MFHAS1: variants seen among roughly 807,000 people sequenced by gnomAD.
MFHAS1 encodes malignant fibrous histiocytoma-amplified sequence 1.
Under a neutral mutation model 70.4 loss-of-function variants are expected in MFHAS1, and 50 were observed. The ratio of observed to expected loss-of-function variants is 0.71; its 90% CI spans 0.57 to 0.90. The LOEUF (loss-of-function observed/expected upper bound fraction) is 0.90, where lower values mean the gene tolerates loss of function less well. Among genes scored for constraint, MFHAS1 ranks in the 40% least tolerant of loss-of-function variants. MFHAS1 has a pLI of 0.00. For synonymous variants in MFHAS1, 952 were observed against 620.0 expected (o/e 1.54, Z -7.96); for missense variants, 1,795 against 1,347.6 (o/e 1.33, Z -5.20).
At chr8:8,817,097 T>C (rs1285358297) in intron 1 of MFHAS1, among the ~76,000 whole-genome samples, 1 of 152,126 alleles carries the variant, frequency 6.6e-6, no homozygotes, top group Non-Finnish European at 1.5e-5. Context: ...CTGGCTGCTT[T>C]CAGTATAGAA....
intron 1 of MFHAS1, among the ~76,000 whole-genome samples, chr8:8,841,043 A>G (rs530710899): frequency 6.6e-6 from 1 of 152,346 alleles, no homozygotes; most frequent in South Asian, 2.1e-4. Context: ...TTAACCTTAA[A>G]TAAGTAAAAA....
intron 1 of MFHAS1, among the ~76,000 whole-genome samples, chr8:8,884,079 CACAA>C (rs897679491): frequency 9.8e-5 from 12 of 122,768 alleles, no homozygotes; most frequent in African/African-American, 3.6e-4. Flanking sequence ...CACACACACA[CACAA>C]AAAGAAAAAA....
chr8:8,823,345 G>A (rs1348901087), intron 1 of MFHAS1, among the ~76,000 whole-genome samples: 1 of 152,098 alleles, frequency 6.6e-6, no homozygotes, highest in Non-Finnish European at 1.5e-5. Context: ...AAGGCCCGGT[G>A]GGCATCGCTG....
At chr8:8,857,075 T>A (rs1046479866) in intron 1 of MFHAS1, among the ~76,000 whole-genome samples, 1 of 141,668 alleles carries the variant, frequency 7.1e-6, no homozygotes, top group Non-Finnish European at 1.5e-5. Flanking sequence ...GAAGAAAACA[T>A]CCTAGAGAGG....
intron 1 of MFHAS1, among the ~76,000 whole-genome samples, chr8:8,846,909 T>C (rs140670139): frequency 2.0e-3 from 310 of 152,278 alleles, no homozygotes; most frequent in African/African-American, 7.0e-3. Flanking sequence ...ACGATGACCT[T>C]TGATACACTG....
intron 1 of MFHAS1, among the ~76,000 whole-genome samples, chr8:8,845,817 C>T (rs1395687023): frequency 6.6e-6 from 1 of 152,164 alleles, no homozygotes; most frequent in Non-Finnish European, 1.5e-5. Context: ...ACAAAATCTG[C>T]TCCTCTCCCT....
chr8:8,867,723 A>T (rs1808916717), intron 1 of MFHAS1, among the ~76,000 whole-genome samples: 1 of 151,938 alleles, frequency 6.6e-6, no homozygotes, highest in African/African-American at 2.4e-5. Flanking sequence ...ACACCCGGCT[A>T]ATTTTTTGTA....
intron 1 of MFHAS1, among the ~76,000 whole-genome samples, chr8:8,837,047 G>A (rs987328506): frequency 1.3e-5 from 2 of 152,182 alleles, no homozygotes; most frequent in African/African-American, 2.4e-5. Context: ...GACGTGCAAT[G>A]GCGGAACTTG....
chr8:8,860,522 C>G (rs887789300), intron 1 of MFHAS1, among the ~76,000 whole-genome samples: 7 of 152,194 alleles, frequency 4.6e-5, no homozygotes, highest in African/African-American at 1.7e-4. Context: ...TACACTTGTA[C>G]CGGATTCTCT....
intron 1 of MFHAS1, among the ~76,000 whole-genome samples, chr8:8,860,300 A>G (rs1042063899): frequency 6.6e-6 from 1 of 152,190 alleles, no homozygotes; most frequent in Non-Finnish European, 1.5e-5. Flanking sequence ...CGCGTCAACA[A>G]TCTCATCTGA....
In MFHAS1 at chr8:8,792,601, A is replaced by G. The variant is rs1397009365; in HGVS notation, c.3125+4764T>C. On this transcript the variant is annotated intron_variant, in intron 2 of 2. Coordinates refer to ENST00000276282, the MANE Select transcript of MFHAS1 (RefSeq NM_004225.3). ...AGCCTGGGCTACAGAGTGAGACTTC[A>G]TCTCAAAAAAATAACCAAAAAAACA... Among the ~76,000 whole-genome samples the G allele has an allele frequency of 3.9e-5, 6 of 152,260 alleles. No individual in the cohort carries two copies. In the East Asian group the frequency reaches 1.2e-3, roughly 29 times the overall value.
chr8:8,799,412 G>A (rs1405209142), intron 1 of MFHAS1, among the ~76,000 whole-genome samples: 5 of 152,186 alleles, frequency 3.3e-5, no homozygotes, highest in African/African-American at 9.7e-5. Flanking sequence ...TGGATAAGGG[G>A]ACCACTGTAT....
At chr8:8,787,072 C>CATT (rs2117239248) in intron 2 of MFHAS1, among the ~76,000 whole-genome samples, 1 of 135,210 alleles carries the variant, frequency 7.4e-6, no homozygotes, top group African/African-American at 2.9e-5. Context: ...CCATCTTACT[C>CATT]AGTATTATTA....
In MFHAS1 at chr8:8,892,746, C is replaced by A. The variant is rs760864083; in HGVS notation, c.313G>T (p.Ala105Ser). 2 of 1,572,992 alleles carry A rather than the reference C, an allele frequency of 1.3e-6. No individual in the cohort carries two copies. Among genetic ancestry groups the A allele is most frequent in the South Asian group, 1.2e-5 (1 of 85,904 alleles). Reference sequence around the variant, plus strand: ...AGGTGGTGGCCGAGCTCGGCCACCGCCGGGGGCAGCCGGGCGAAGCGGTTC... The same window carrying A: ...AGGTGGTGGCCGAGCTCGGCCACCGACGGGGGCAGCCGGGCGAAGCGGTTC... ...RRNRFARLPP[A>S]VAELGHHLTE... Residue 105 changes from alanine to serine, a missense_variant, in exon 1 of 3, where the codon GCG (alanine) becomes TCG (serine). Coordinates refer to ENST00000276282, the MANE Select transcript of MFHAS1 (RefSeq NM_004225.3). The surrounding 1 kb of genome is among the most constrained non-coding windows in gnomAD (Gnocchi z 4.7).
At chr8:8,838,301 G>A (rs1410957607) in intron 1 of MFHAS1, among the ~76,000 whole-genome samples, 3 of 152,154 alleles carry the variant, frequency 2.0e-5, no homozygotes, top group African/African-American at 7.2e-5. Context: ...CAGGATTGAG[G>A]GGAAGGGTCT....
At chr8:8,870,476 A>G (rs1809035186) in intron 1 of MFHAS1, among the ~76,000 whole-genome samples, 1 of 152,120 alleles carries the variant, frequency 6.6e-6, no homozygotes, top group Admixed American at 6.5e-5. Context: ...CCAGGAAAAC[A>G]AAAAAGGTTT....
intron 1 of MFHAS1, among the ~76,000 whole-genome samples, chr8:8,829,629 C>T (rs757204534): frequency 2.6e-5 from 4 of 152,110 alleles, no homozygotes; most frequent in East Asian, 3.9e-4. Context: ...TGCAGTGAGC[C>T]GAGATCACGC....
At chr8:8,815,640 T>G (rs920386443) in intron 1 of MFHAS1, among the ~76,000 whole-genome samples, 1 of 152,226 alleles carries the variant, frequency 6.6e-6, no homozygotes, top group African/African-American at 2.4e-5. Context: ...TTTTTTCATA[T>G]GTTTGTTGCA....
intron 1 of MFHAS1, among the ~76,000 whole-genome samples, chr8:8,816,653 A>G: frequency 6.6e-6 from 1 of 152,220 alleles, no homozygotes; most frequent in East Asian, 1.9e-4. Context: ...CTCTACGCAA[A>G]CATGTAGAAA....
Sources: gnomAD v4.1 joint callset for allele counts (sites outside exome capture counted in the v4.1 genomes callset) on GRCh38, gnomAD v4.1.1 for gene constraint, Gnocchi (gnomAD v3.1) non-coding constraint, MANE v1.5 for transcripts, NCBI Gene and HGNC (gene_info 2026-07-23, HGNC 2026-07-21) for gene names.